The following PCDH11X variants were observed in gnomAD, a reference collection of about 807,000 sequenced individuals.
PCDH11X encodes the protein protocadherin-11 X-linked.
In PCDH11X, 18 loss-of-function variants were observed where a neutral mutation model predicts 53.3. The ratio of observed to expected loss-of-function variants is 0.34; its 90% CI spans 0.23 to 0.50. The LOEUF (loss-of-function observed/expected upper bound fraction) is 0.50, where lower values mean the gene tolerates loss of function less well. PCDH11X is among the 20% of genes least tolerant of loss of function. The pLI, the probability that PCDH11X is intolerant of heterozygous loss-of-function variation, is 0.98. For missense variants in PCDH11X, 570 were observed against 1,032.4 expected (o/e 0.55, Z 6.14); for synonymous variants, 279 against 393.3 (o/e 0.71, Z 3.44).
At chrX:92,475,227 A>G (rs907292847) in intron 10 of PCDH11X, among the ~76,000 whole-genome samples, 4 of 107,990 alleles carry the variant, frequency 3.7e-5, no homozygotes, top group African/African-American at 1.4e-4. Context: ...CAGTGTTATA[A>G]TATTCTGTAT....
chrX:92,049,104 G>C (rs1291998247), intron 6 of PCDH11X, among the ~76,000 whole-genome samples: 1 of 110,527 alleles, frequency 9.0e-6, no homozygotes, highest in Non-Finnish European at 1.9e-5. Flanking sequence ...ACTTCAGAGA[G>C]AGCAGGTTGT....
In PCDH11X at chrX:92,148,165, CTTCCTTCCTTCT is replaced by C. The variant is rs1258494784; in HGVS notation, c.3034-53206_3034-53195del. Among the ~76,000 whole-genome samples the C allele has an allele frequency of 4.2e-4, 8 of 19,239 alleles. 1 individual carries two copies. The highest frequency in any genetic ancestry group is 1.8e-3 in the South Asian group (1 of 544). The allele number at this position is 19,239 out of a possible 115,157, so 16.7% of individuals were successfully genotyped here. A position where few individuals can be genotyped will look rare whatever the true frequency, so the allele number is the denominator to read the frequency against. On this transcript the variant is annotated intron_variant, in intron 6 of 10. Coordinates refer to ENST00000682573, the MANE Select transcript of PCDH11X (RefSeq NM_032968.5). The stretch of plus-strand genomic sequence containing the variant: ...CCTTCCTTCCTTCCTTCCTTCCTTC[CTTCCTTCCTTCT>C]TTCTTTCTTTCTTTCTTTCTTTCTT...
rs186186207 is a variant in PCDH11X at position 92,160,155 on chromosome X, T to C, written c.3034-41220T>C. On this transcript the variant is annotated intron_variant, in intron 6 of 10. Transcript: ENST00000682573. ...GTCTCTACTGGCCAGCTGTTTTTTT[T>C]CTTTTTTTTTTAATTTCCATAGGTT... Among the ~76,000 whole-genome samples the C allele has an allele frequency of 3.8e-4, 40 of 105,422 alleles. No homozygotes were observed. In the East Asian group the frequency reaches 0.011, roughly 28 times the overall value. 91.5% of individuals were successfully genotyped at this position (105,422 alleles called of 115,157 possible).
At chrX:92,125,018 A>C (rs201062677) in intron 6 of PCDH11X, among the ~76,000 whole-genome samples, 1 of 112,088 alleles carries the variant, frequency 8.9e-6, no homozygotes, top group East Asian at 2.8e-4. Context: ...TTTAAATTTT[A>C]TGTACATACT....
At chrX:92,337,380 G>T (rs1033951976) in intron 8 of PCDH11X, among the ~76,000 whole-genome samples, 1 of 108,721 alleles carries the variant, frequency 9.2e-6, no homozygotes, top group South Asian at 4.1e-4. Flanking sequence ...TAGACCTCTG[G>T]TTTCTGCCAA....
chrX:91,801,447 G>A (rs912582547), intron 1 of PCDH11X, among the ~76,000 whole-genome samples: 2 of 110,809 alleles, frequency 1.8e-5, no homozygotes, highest in Admixed American at 1.9e-4. Context: ...CATTTGCACG[G>A]AAGTAGTAGA....
intron 10 of PCDH11X, among the ~76,000 whole-genome samples, chrX:92,555,721 T>C (rs1442297260): frequency 1.8e-5 from 2 of 111,169 alleles, no homozygotes; most frequent in African/African-American, 6.5e-5. Context: ...TTCTATTCAA[T>C]TTTAGAAAGG....
intron 7 of PCDH11X, among the ~76,000 whole-genome samples, chrX:92,232,621 T>C (rs1327413105): frequency 8.9e-6 from 1 of 112,343 alleles, no homozygotes; most frequent in Non-Finnish European, 1.9e-5. Context: ...TCAGATCCTA[T>C]AGACATAGAC....
intron 5 of PCDH11X, among the ~76,000 whole-genome samples, chrX:91,838,155 CCA>C (rs1208239034): frequency 9.0e-6 from 1 of 111,590 alleles, no homozygotes; most frequent in Non-Finnish European, 1.9e-5. Context: ...TAATGAACTT[CCA>C]AGAAATTTCT....
chrX:91,964,177 G>A (rs1338420726), intron 6 of PCDH11X, among the ~76,000 whole-genome samples: 4 of 97,330 alleles, frequency 4.1e-5, no homozygotes, highest in Non-Finnish European at 5.8e-5. Context: ...GACATTAATA[G>A]ATATCCTGTG....
chrX:92,075,567 A>T, intron 6 of PCDH11X, among the ~76,000 whole-genome samples: 1 of 112,095 alleles, frequency 8.9e-6, no homozygotes, highest in Middle Eastern at 4.6e-3. Context: ...GCTTTCATAA[A>T]GTGACTCAGA....
chrX:91,792,605 G>T (rs1182169662), intron 1 of PCDH11X, among the ~76,000 whole-genome samples: 1 of 110,605 alleles, frequency 9.0e-6, no homozygotes, highest in Non-Finnish European at 1.9e-5. Context: ...AATATGATAG[G>T]ATCACAAAAG....
intron 4 of PCDH11X, among the ~76,000 whole-genome samples, chrX:91,830,883 G>A (rs1937081055): frequency 9.0e-6 from 1 of 111,399 alleles, no homozygotes; most frequent in Middle Eastern, 4.8e-3. Context: ...TGTGTTTGTT[G>A]TTCTAGCATA....
intron 8 of PCDH11X, among the ~76,000 whole-genome samples, chrX:92,368,971 T>C (rs1317065618): frequency 9.7e-6 from 1 of 102,957 alleles, no homozygotes; most frequent in African/African-American, 3.6e-5. Flanking sequence ...CAGGAGGCAC[T>C]GGGGTCAGGG....
chrX:92,367,871 T>G (rs2070513195), intron 8 of PCDH11X, among the ~76,000 whole-genome samples: 1 of 111,228 alleles, frequency 9.0e-6, no homozygotes, highest in Non-Finnish European at 1.9e-5. Flanking sequence ...CCACTGTTAG[T>G]CTGATGGACT....
At chrX:92,402,581 C>T (rs2071410051) in intron 9 of PCDH11X, among the ~76,000 whole-genome samples, 1 of 111,802 alleles carries the variant, frequency 8.9e-6, no homozygotes, top group African/African-American at 3.3e-5. Context: ...TGGCTATATG[C>T]AGAAGATTGA....
chrX:92,393,579 T>C (rs2071179487), intron 9 of PCDH11X, among the ~76,000 whole-genome samples: 1 of 111,045 alleles, frequency 9.0e-6, no homozygotes, highest in African/African-American at 3.3e-5. Context: ...ATTTAAAAAT[T>C]TCCTTAATAT....
intron 6 of PCDH11X, among the ~76,000 whole-genome samples, chrX:92,109,759 G>T (rs1347009708): frequency 2.7e-5 from 3 of 112,026 alleles, no homozygotes; most frequent in Non-Finnish European, 5.6e-5. Context: ...TTGGGAAAGG[G>T]CTATAATTTC....
intron 6 of PCDH11X, among the ~76,000 whole-genome samples, chrX:92,107,819 C>A (rs1431072878): frequency 8.9e-6 from 1 of 112,125 alleles, no homozygotes; most frequent in African/African-American, 3.2e-5. Context: ...AGGGCTATGT[C>A]ATGGGCCATG....
Sources: gnomAD v4.1 joint callset for allele counts (sites outside exome capture counted in the v4.1 genomes callset) on GRCh38, gnomAD v4.1.1 for gene constraint, MANE v1.5 for transcripts, NCBI Gene and HGNC (gene_info 2026-07-23, HGNC 2026-07-21) for gene names.